The following KLF12 variants were observed in gnomAD, a reference collection of about 807,000 sequenced individuals.
KLF12 encodes the protein KLF transcription factor 12, also known as Krueppel-like factor 12.
KLF12 carries 9 observed loss-of-function variants against 37.8 expected under a neutral mutation model. That is an observed-to-expected ratio of 0.24 (90% CI 0.14 to 0.42). KLF12 has a LOEUF of 0.42. KLF12 is among the 10% of genes least tolerant of loss of function. KLF12 has a pLI of 1.00. For synonymous variants in KLF12, 208 were observed against 202.1 expected (o/e 1.03, Z -0.25); for missense variants, 411 against 516.0 (o/e 0.80, Z 1.97).
At chr13:74,178,283 C>G in the KLF12 span, among the ~76,000 whole-genome samples, 1 of 152,214 alleles carries the variant, frequency 6.6e-6, no homozygotes, top group Non-Finnish European at 1.5e-5. Flanking sequence ...ACTGCTTCAT[C>G]ATGTTGTCCC....
At chr13:73,996,220 C>A (rs1432814810) in intron 1 of KLF12, among the ~76,000 whole-genome samples, 3 of 152,200 alleles carry the variant, frequency 2.0e-5, no homozygotes, top group African/African-American at 7.2e-5. Flanking sequence ...TTTTACCAGG[C>A]ATGCTACTAA....
chr13:73,701,477 T>C (rs1017553073), intron 7 of KLF12, among the ~76,000 whole-genome samples: 5 of 152,208 alleles, frequency 3.3e-5, no homozygotes, highest in East Asian at 1.9e-4. Context: ...CTTTTGACAA[T>C]AGTCTTTAAA....
Position 73,991,442 on chromosome 13 carries a change from T to C in KLF12, c.33+3548A>G, listed in dbSNP as rs17218228. On this transcript the variant is annotated intron_variant, in intron 2 of 7. Transcript: ENST00000377669. ...TGTGATGTGAAATCATACAATGTCA[T>C]GAAGCTCTCTCACACTAAAAAACAA... is the stretch of plus-strand genomic sequence containing the variant. Among the ~76,000 whole-genome samples the C allele has an allele frequency of 7.1e-3, 1,088 of 152,336 alleles. 8 individuals carry two copies. Among genetic ancestry groups the C allele is most frequent in the Non-Finnish European group, 0.01 (708 of 68,034 alleles).
the KLF12 span, among the ~76,000 whole-genome samples, chr13:74,290,231 C>T: frequency 3.3e-5 from 5 of 152,182 alleles, no homozygotes; most frequent in African/African-American, 7.2e-5. Context: ...GAATGAGACA[C>T]GGAGAAATAA....
intron 1 of KLF12, among the ~76,000 whole-genome samples, chr13:74,054,997 G>A (rs1323555088): frequency 3.3e-5 from 5 of 152,244 alleles, no homozygotes; most frequent in Non-Finnish European, 4.4e-5. Context: ...AGAACATCGC[G>A]ATGAAGAAGG....
chr13:74,228,195 C>A, the KLF12 span, among the ~76,000 whole-genome samples: 1 of 152,166 alleles, frequency 6.6e-6, no homozygotes, highest in East Asian at 1.9e-4. Flanking sequence ...TATTATCTTC[C>A]TCTTCTACAT....
intron 3 of KLF12, among the ~76,000 whole-genome samples, chr13:73,862,163 T>C (rs1885963254): frequency 6.6e-6 from 1 of 151,870 alleles, no homozygotes; most frequent in Non-Finnish European, 1.5e-5. Context: ...GTCTTTCCAG[T>C]AAGGATTCCA....
chr13:74,130,710 C>G (rs1386864760), intron 1 of KLF12, among the ~76,000 whole-genome samples: 2 of 150,704 alleles, frequency 1.3e-5, no homozygotes, highest in Non-Finnish European at 2.9e-5. Context: ...TTGAATAAAA[C>G]TGTCTTGGGA....
the KLF12 span, among the ~76,000 whole-genome samples, chr13:74,272,049 ATTAT>A: frequency 6.6e-6 from 1 of 152,314 alleles, no homozygotes; most frequent in Non-Finnish European, 1.5e-5. Context: ...AACATAGTTT[ATTAT>A]TTATTTATTT....
chr13:74,121,396 T>C (rs1011257154), intron 1 of KLF12, among the ~76,000 whole-genome samples: 8 of 151,972 alleles, frequency 5.3e-5, no homozygotes, highest in Non-Finnish European at 1.2e-4. Flanking sequence ...ATGAATACCC[T>C]GAAACCAGTA....
chr13:73,953,037 G>A (rs553753585), intron 2 of KLF12, among the ~76,000 whole-genome samples: 53 of 152,262 alleles, frequency 3.5e-4, no homozygotes, highest in African/African-American at 1.3e-3. Flanking sequence ...AGAGTGTCAA[G>A]AATGACAAAG....
At chr13:74,021,983 A>G (rs1449978556) in intron 1 of KLF12, among the ~76,000 whole-genome samples, 1 of 152,182 alleles carries the variant, frequency 6.6e-6, no homozygotes. Flanking sequence ...GAGGGTAGTA[A>G]AGCATGTGGA....
chr13:73,802,108 T>C (rs527372534), intron 5 of KLF12: 5 of 152,296 alleles, frequency 3.3e-5, no homozygotes, highest in Non-Finnish European at 5.9e-5. Flanking sequence ...GTCTGTCAAA[T>C]TGATTGTTTA....
At chr13:73,871,084 T>C (rs139035362) in intron 3 of KLF12, among the ~76,000 whole-genome samples, 1 of 152,356 alleles carries the variant, frequency 6.6e-6, no homozygotes, top group African/African-American at 2.4e-5. Context: ...GGTTCTGTAT[T>C]CTGCCAGTGA....
the KLF12 span, among the ~76,000 whole-genome samples, chr13:74,263,644 G>A: frequency 3.2e-3 from 482 of 152,300 alleles, 3 homozygotes; most frequent in African/African-American, 0.011. Context: ...TGTCACTGAG[G>A]CAGGAGAATC....
chr13:74,226,764 T>C, the KLF12 span, among the ~76,000 whole-genome samples: 1 of 152,194 alleles, frequency 6.6e-6, no homozygotes, highest in Non-Finnish European at 1.5e-5. Context: ...ATTAACGCTA[T>C]GTTTCTCCAG....
At chr13:73,751,921 G>T (rs1018762989) in intron 6 of KLF12, among the ~76,000 whole-genome samples, 2 of 152,182 alleles carry the variant, frequency 1.3e-5, no homozygotes, top group Non-Finnish European at 2.9e-5. Context: ...AGGGTCCTTT[G>T]TACCCTGAGG....
At chr13:73,923,885 T>C (rs186684807) in intron 3 of KLF12, among the ~76,000 whole-genome samples, 9 of 152,318 alleles carry the variant, frequency 5.9e-5, no homozygotes, top group African/African-American at 1.7e-4. Context: ...GAGGCAGACA[T>C]ATCTCAGACA....
intron 1 of KLF12, among the ~76,000 whole-genome samples, chr13:74,077,541 G>A (rs896470122): frequency 6.6e-5 from 10 of 152,164 alleles, no homozygotes; most frequent in Non-Finnish European, 1.5e-4. Context: ...CACCGAAAAT[G>A]AAGCAGGCCT....
Sources: gnomAD v4.1 joint callset for allele counts (sites outside exome capture counted in the v4.1 genomes callset) on GRCh38, gnomAD v4.1.1 for gene constraint, MANE v1.5 for transcripts, NCBI Gene and HGNC (gene_info 2026-07-23, HGNC 2026-07-21) for gene names.